The following TOGARAM2 variants were observed in gnomAD, a reference collection of about 807,000 sequenced individuals.
TOGARAM2 encodes the protein TOG array regulator of axonemal microtubules 2.
Under a neutral mutation model 93.3 loss-of-function variants are expected in TOGARAM2, and 85 were observed. The observed-to-expected ratio is 0.91, with a 90% CI of 0.76 to 1.09. The LOEUF (loss-of-function observed/expected upper bound fraction) is 1.09, where lower values mean the gene tolerates loss of function less well. Ranked by LOEUF, TOGARAM2 falls within the 50% of genes least tolerant of loss-of-function variation. The probability of loss-of-function intolerance (pLI) is 0.00; values close to 1 mark genes in which losing one functional copy is unlikely to be tolerated. For synonymous variants in TOGARAM2, 593 were observed against 552.8 expected, an observed-to-expected ratio of 1.07 and a Z score of -1.02; for missense variants, 1,277 against 1,334.5, an observed-to-expected ratio of 0.96 and a Z score of 0.67.
chr2:29,030,868 A>G (rs1219490913), intron 14 of TOGARAM2, among the ~76,000 whole-genome samples: 1 of 152,184 alleles, frequency 6.6e-6, no homozygotes, highest in East Asian at 1.9e-4. Context: ...TAAAGCCTCC[A>G]TGGGACCCAC....
intron 11 of TOGARAM2, 96 bp downstream of exon 11, chr2:29,022,404 T>A (rs1665013907): frequency 6.6e-7 from 1 of 1,516,098 alleles, no homozygotes; most frequent in South Asian, 1.2e-5. Context: ...TCTCCCACTC[T>A]GGGGTTCCAG....
At chr2:28,992,551 C>T (rs1672786089) in intron 1 of TOGARAM2, among the ~76,000 whole-genome samples, 1 of 152,086 alleles carries the variant, frequency 6.6e-6, no homozygotes, top group South Asian at 2.1e-4. Context: ...TTCAGAAGGC[C>T]CACTGCAGTA....
At chr2:28,990,269 A>G (rs1221011486) in intron 1 of TOGARAM2, among the ~76,000 whole-genome samples, 1 of 152,152 alleles carries the variant, frequency 6.6e-6, no homozygotes, top group African/African-American at 2.4e-5. Context: ...TGACATCTCT[A>G]CATGTCAGTG....
At chr2:29,038,401 A>T (rs1243945437) in intron 18 of TOGARAM2, among the ~76,000 whole-genome samples, 1 of 152,122 alleles carries the variant, frequency 6.6e-6, no homozygotes, top group Admixed American at 6.5e-5. Context: ...CCTCAAAGGG[A>T]TGAATGGAGT....
intron 13 of TOGARAM2, among the ~76,000 whole-genome samples, chr2:29,024,743 C>T (rs1297900636): frequency 6.6e-6 from 1 of 152,162 alleles, no homozygotes; most frequent in Admixed American, 6.5e-5. Flanking sequence ...GGGGAGCACA[C>T]CGTGGCTGTG....
intron 1 of TOGARAM2, among the ~76,000 whole-genome samples, chr2:28,959,336 A>G (rs1323330092): frequency 6.6e-6 from 1 of 152,220 alleles, no homozygotes; most frequent in Middle Eastern, 3.2e-3. Flanking sequence ...CAATTTCCCC[A>G]TAGACTTTGT....
chr2:28,965,316 G>A (rs531671249), intron 1 of TOGARAM2, among the ~76,000 whole-genome samples: 11 of 152,150 alleles, frequency 7.2e-5, no homozygotes, highest in East Asian at 3.9e-4. Flanking sequence ...TTTTCTATTC[G>A]TCTCATCTGT....
intron 19 of TOGARAM2, 68 bp downstream of exon 19, chr2:29,045,478 G>A: frequency 7.6e-7 from 1 of 1,314,780 alleles, no homozygotes; most frequent in Middle Eastern, 1.9e-4. Flanking sequence ...GTCTGTGGTT[G>A]AACCATTCAC....
intron 14 of TOGARAM2, chr2:29,032,651 A>G (rs1039536741): frequency 4.1e-5 from 13 of 316,250 alleles, no homozygotes; most frequent in Non-Finnish European, 7.0e-5. Flanking sequence ...AAAAAGCTGA[A>G]TACAACTTGT....
At chr2:29,038,805 T>C (rs1014071106) in intron 18 of TOGARAM2, among the ~76,000 whole-genome samples, 34 of 152,334 alleles carry the variant, frequency 2.2e-4, no homozygotes, top group Non-Finnish European at 4.4e-4. Context: ...TATCTGGGCC[T>C]GATGGCTTTG....
intron 10 of TOGARAM2, among the ~76,000 whole-genome samples, chr2:29,020,672 G>C (rs952980356): frequency 1.3e-5 from 2 of 152,188 alleles, no homozygotes; most frequent in Non-Finnish European, 2.9e-5. Context: ...GCGAGGAAGG[G>C]GGGCAGCAGG....
At chr2:29,011,192 G>A (rs1329994194) in intron 6 of TOGARAM2, among the ~76,000 whole-genome samples, 3 of 152,232 alleles carry the variant, frequency 2.0e-5, no homozygotes, top group East Asian at 1.9e-4. Flanking sequence ...GTGGGTGTCA[G>A]CCTCCTGGGG....
At chr2:28,970,368 T>G (rs1202972043) in intron 1 of TOGARAM2, among the ~76,000 whole-genome samples, 2 of 152,206 alleles carry the variant, frequency 1.3e-5, no homozygotes, top group Non-Finnish European at 2.9e-5. Context: ...TTTCCTCATC[T>G]ATAAAGTGGG....
intron 7 of TOGARAM2, among the ~76,000 whole-genome samples, chr2:29,013,652 G>A (rs889728741): frequency 5.3e-5 from 8 of 152,212 alleles, no homozygotes; most frequent in Admixed American, 5.2e-4. Context: ...AAAGCAGGCA[G>A]CCAGAAGACC....
chr2:29,032,064 A>C (rs544969350), intron 14 of TOGARAM2, among the ~76,000 whole-genome samples: 21 of 152,226 alleles, frequency 1.4e-4, no homozygotes, highest in African/African-American at 5.1e-4. Flanking sequence ...TGGCCTCCTA[A>C]TAAGTCTCCT....
intron 17 of TOGARAM2, 122 bp from the exon 18 acceptor site, chr2:29,036,419 A>G (rs1666111847): frequency 5.1e-6 from 4 of 789,210 alleles, no homozygotes; most frequent in Non-Finnish European, 8.3e-6. Flanking sequence ...TAGGTCAGGG[A>G]CGCAGGAGGA....
At chr2:28,975,327 T>G (rs1672010660) in intron 1 of TOGARAM2, among the ~76,000 whole-genome samples, 1 of 152,092 alleles carries the variant, frequency 6.6e-6, no homozygotes. Context: ...TAGTTGGGAC[T>G]ACAGGTGCCC....
At chr2:28,979,820 C>A (rs1672109606), upstream of TOGARAM2, among the ~76,000 whole-genome samples, 1 of 152,172 alleles carries the variant, frequency 6.6e-6, no homozygotes, top group South Asian at 2.1e-4. Context: ...CAGGGCACGG[C>A]CATCGGATCT....
chr2:28,995,346 A>G (rs1309969469), intron 2 of TOGARAM2, among the ~76,000 whole-genome samples: 1 of 152,170 alleles, frequency 6.6e-6, no homozygotes, highest in African/African-American at 2.4e-5. Flanking sequence ...TTCCCCTGGA[A>G]AGTGAGGGGA....
Sources: allele counts gnomAD v4.1 joint callset (sites outside exome capture counted in the v4.1 genomes callset), GRCh38; gene constraint gnomAD v4.1.1; transcripts MANE v1.5; gene names NCBI Gene and HGNC (gene_info 2026-07-23, HGNC 2026-07-21).